Variants in SPATA13 observed in about 807,000 individuals in gnomAD.
SPATA13 encodes spermatogenesis associated 13.
Under a neutral mutation model 104.0 loss-of-function variants are expected in SPATA13, and 50 were observed. That is an observed-to-expected ratio of 0.48 (90% confidence interval 0.38 to 0.61). SPATA13 has a LOEUF of 0.61. Among genes scored for constraint, SPATA13 ranks in the 20% least tolerant of loss-of-function variants. SPATA13 has a pLI of 0.00. For synonymous variants in SPATA13, 606 were observed against 667.5 expected (o/e 0.91, Z 1.42); for missense variants, 1,524 against 1,690.6 (o/e 0.90, Z 1.73).
intron 2 of SPATA13, among the ~76,000 whole-genome samples, chr13:24,235,589 G>A (rs1027087147): frequency 1.3e-5 from 2 of 152,052 alleles, no homozygotes; most frequent in African/African-American, 4.8e-5. Flanking sequence ...GTGAGACCTT[G>A]TCTCTTAAAA....
At chr13:24,021,182 A>AGCTG (rs977257264) in intron 3 of SPATA13, among the ~76,000 whole-genome samples, 4 of 152,250 alleles carry the variant, frequency 2.6e-5, no homozygotes, top group African/African-American at 9.6e-5. Flanking sequence ...AGGAGAGAGG[A>AGCTG]GCTGGCCTCT....
intron 1 of SPATA13, among the ~76,000 whole-genome samples, chr13:24,177,896 A>C (rs997647978): frequency 4.0e-5 from 6 of 151,474 alleles, no homozygotes; most frequent in African/African-American, 1.2e-4. Flanking sequence ...TCACTTTGTC[A>C]CCCAGGCTGG....
chr13:24,251,745 CA>C lies in SPATA13; in HGVS notation c.2048del (p.His683ProfsTer35). 6.2e-7 allele frequency: 1 copy of C among 1,614,180 alleles called. No individual in the cohort carries two copies. Among genetic ancestry groups the C allele is most frequent in the Non-Finnish European group, 8.5e-7 (1 of 1,180,004 alleles). ...GGCTTCCAGGCCGCCCATGCCTGCTCACCAGGTGCCACCCTACAAGGCTGTG... is the reference window on the plus strand; with the variant it reads ...GGCTTCCAGGCCGCCCATGCCTGCTCCCAGGTGCCACCCTACAAGGCTGTG... ...QPASRPPMPA[H>X]QVPPYKAVSA... is the part of the protein sequence containing the mutation. On this transcript the variant is annotated frameshift_variant, in exon 4 of 13. Transcript: ENST00000382108. LOFTEE classifies it high-confidence loss of function.
At chr13:24,160,194 T>G (rs112128176), upstream of SPATA13, among the ~76,000 whole-genome samples, 72 of 152,356 alleles carry the variant, frequency 4.7e-4, no homozygotes, top group African/African-American at 1.6e-3. Flanking sequence ...ATGAGACTCC[T>G]CTTCCCGCCC....
intron 2 of SPATA13, among the ~76,000 whole-genome samples, chr13:23,988,354 A>T (rs1875249910): frequency 6.6e-6 from 1 of 152,056 alleles, no homozygotes; most frequent in African/African-American, 2.4e-5. Context: ...CACTGTTTTA[A>T]ATCTTTTCAG....
At chr13:24,015,890 C>T (rs930911153) in intron 2 of SPATA13, among the ~76,000 whole-genome samples, 1 of 152,204 alleles carries the variant, frequency 6.6e-6, no homozygotes, top group African/African-American at 2.4e-5. Context: ...TAATTTAAAA[C>T]ACAGAGGCAT....
At chr13:24,115,178 C>T (rs756308194) in intron 3 of SPATA13, among the ~76,000 whole-genome samples, 1 of 152,166 alleles carries the variant, frequency 6.6e-6, no homozygotes, top group Non-Finnish European at 1.5e-5. Flanking sequence ...AAGAAAGTAC[C>T]CTGGAACAAC....
chr13:24,160,050 G>C (rs1440719369), upstream of SPATA13, among the ~76,000 whole-genome samples: 1 of 152,138 alleles, frequency 6.6e-6, no homozygotes, highest in Non-Finnish European at 1.5e-5. Flanking sequence ...TCGGTTTACT[G>C]CAACAGTCTA....
At chr13:24,151,147 C>T (rs1566122707) in intron 3 of SPATA13, among the ~76,000 whole-genome samples, 2 of 152,202 alleles carry the variant, frequency 1.3e-5, no homozygotes, top group African/African-American at 4.8e-5. Context: ...GTTCTGGAGA[C>T]AGAATCCAGG....
intron 3 of SPATA13, chr13:24,122,642 GT>G (rs1881071979): frequency 8.2e-7 from 1 of 1,213,074 alleles, no homozygotes; most frequent in African/African-American, 1.5e-5. Context: ...TGCACATACT[GT>G]ATATCACTTC....
intron 3 of SPATA13, among the ~76,000 whole-genome samples, chr13:24,152,583 C>A (rs1266546846): frequency 6.6e-6 from 1 of 152,222 alleles, no homozygotes; most frequent in East Asian, 1.9e-4. Flanking sequence ...GCATTCCAGC[C>A]CCACAGCTCC....
At chr13:24,236,595 CAAAA>C (rs60473362) in intron 2 of SPATA13, among the ~76,000 whole-genome samples, 13,500 of 118,212 alleles carry the variant, frequency 0.11, 594 homozygotes, top group East Asian at 0.16. Flanking sequence ...GACTCCATCT[CAAAA>C]AAAAAAAAAA....
chr13:24,237,040 T>C (rs191596958), intron 2 of SPATA13, among the ~76,000 whole-genome samples: 2 of 152,174 alleles, frequency 1.3e-5, no homozygotes, highest in African/African-American at 2.4e-5. Flanking sequence ...GTACATATAC[T>C]GCGGAATATT....
intron 3 of SPATA13, among the ~76,000 whole-genome samples, chr13:24,138,930 A>G (rs796237110): frequency 2.4e-4 from 36 of 152,244 alleles, no homozygotes; most frequent in African/African-American, 8.2e-4. Context: ...GTGGAGTATT[A>G]TTCAATTTTA....
chr13:23,987,049 C>T (rs1875181594), intron 2 of SPATA13, among the ~76,000 whole-genome samples: 1 of 114,108 alleles, frequency 8.8e-6, no homozygotes, highest in African/African-American at 3.2e-5. Context: ...GTTACTACTC[C>T]ACATGGGGCA....
At chr13:24,087,827 G>A (rs889098446) in intron 3 of SPATA13, among the ~76,000 whole-genome samples, 1 of 152,130 alleles carries the variant, frequency 6.6e-6, no homozygotes, top group South Asian at 2.1e-4. Flanking sequence ...AGAGCTGCTG[G>A]ACACAGCCTA....
intron 5 of SPATA13, among the ~76,000 whole-genome samples, chr13:24,285,723 C>G (rs992599473): frequency 6.6e-6 from 1 of 150,486 alleles, no homozygotes; most frequent in Non-Finnish European, 1.5e-5. Flanking sequence ...CTCTTGTTCC[C>G]AGACTGGAGT....
Position 24,012,811 on chromosome 13 carries a change from G to A in SPATA13, c.-146-4856G>A, listed in dbSNP as rs78020046. Reference sequence around the variant, plus strand: ...TGCCCAGAACACCACCCTGAGCCCCGTGGCTGCAGACAGTGGCATCTGTTT... The same window carrying A: ...TGCCCAGAACACCACCCTGAGCCCCATGGCTGCAGACAGTGGCATCTGTTT... On this transcript the variant is annotated intron_variant, in intron 2 of 14. Transcript: ENST00000424834. Among the ~76,000 whole-genome samples, 1,415 of 152,330 alleles carry A rather than the reference G, an allele frequency of 9.3e-3. 25 individuals are homozygous for A. The highest frequency in any genetic ancestry group is 0.08 in the East Asian group (412 of 5,178).
intron 3 of SPATA13, among the ~76,000 whole-genome samples, chr13:24,091,751 C>T (rs1879918007): frequency 6.6e-6 from 1 of 152,198 alleles, no homozygotes; most frequent in African/African-American, 2.4e-5. Context: ...GCGGAGGCTG[C>T]AGTGAGTGGA....
Sources: allele counts gnomAD v4.1 joint callset (sites outside exome capture counted in the v4.1 genomes callset), GRCh38; gene constraint gnomAD v4.1.1; transcripts MANE v1.5; gene names NCBI Gene and HGNC (gene_info 2026-07-23, HGNC 2026-07-21).